The following PAX3 variants were observed in gnomAD, a reference collection of about 807,000 sequenced individuals.
PAX3 encodes paired box protein Pax-3.
PAX3 carries 14 observed loss-of-function variants against 51.6 expected under a neutral mutation model. The ratio of observed to expected loss-of-function variants is 0.27; its 90% confidence interval spans 0.18 to 0.42. The LOEUF (loss-of-function observed/expected upper bound fraction) is 0.42. Among genes scored for constraint, PAX3 ranks in the 10% least tolerant of loss-of-function variants. PAX3 has a pLI of 1.00. For synonymous variants in PAX3, 280 were observed against 253.4 expected, an observed-to-expected ratio of 1.11 and a Z score of -1.00; for missense variants, 540 against 642.8, an observed-to-expected ratio of 0.84 and a Z score of 1.73.
intron 7 of PAX3, among the ~76,000 whole-genome samples, chr2:222,209,839 CA>C (rs34532972): frequency 0.071 from 10,698 of 151,516 alleles, 613 homozygotes; most frequent in Admixed American, 0.18. Flanking sequence ...TGCAATGAGC[CA>C]TGATTGCACC....
At chr2:222,226,991 C>T (rs1692409431) in intron 5 of PAX3, among the ~76,000 whole-genome samples, 1 of 152,056 alleles carries the variant, frequency 6.6e-6, no homozygotes, top group East Asian at 1.9e-4. Flanking sequence ...TCCTGAAGTC[C>T]ACCCATGATT....
At chr2:222,236,814 C>A (rs1018185602) in intron 4 of PAX3, among the ~76,000 whole-genome samples, 1 of 152,098 alleles carries the variant, frequency 6.6e-6, no homozygotes, top group Non-Finnish European at 1.5e-5. Flanking sequence ...TTTACAGATG[C>A]CTTCACAAAG....
chr2:222,232,035 C>A, intron 5 of PAX3, 43 bp downstream of exon 5: 1 of 1,566,086 alleles, frequency 6.4e-7, no homozygotes, highest in Non-Finnish European at 8.8e-7. Flanking sequence ...TGTTTGTTTC[C>A]TGTCTGGACT....
chr2:222,201,889 G>C (rs186207055), intron 8 of PAX3, 55 bp downstream of exon 8: 3 of 1,613,746 alleles, frequency 1.9e-6, no homozygotes, highest in Non-Finnish European at 2.5e-6. Flanking sequence ...TTAAGGAAGA[G>C]TTGAGTTTAT....
intron 5 of PAX3, among the ~76,000 whole-genome samples, chr2:222,224,150 A>C (rs1030575851): frequency 1.3e-5 from 2 of 152,358 alleles, no homozygotes; most frequent in African/African-American, 4.8e-5. Context: ...AAAGACATTG[A>C]GTAAACTCAC....
At chr2:222,294,392 G>A (rs1559317022) in intron 3 of PAX3, 91 bp from the exon 4 acceptor site, 2 of 1,458,004 alleles carry the variant, frequency 1.4e-6, no homozygotes, top group Admixed American at 3.5e-5. Flanking sequence ...CCAAACACCA[G>A]CCAGGGCCCT....
At chr2:222,249,695 C>G (rs992618534) in intron 4 of PAX3, among the ~76,000 whole-genome samples, 1 of 152,190 alleles carries the variant, frequency 6.6e-6, no homozygotes, top group Non-Finnish European at 1.5e-5. Context: ...AGAAGAAGCC[C>G]TTGCCCCCGG....
At position 222,268,437 on chromosome 2, in the gene PAX3, A is replaced by G. The variant is rs189436488; in HGVS notation, c.586+25730T>C. Among the ~76,000 whole-genome samples the G allele has an allele frequency of 9.9e-5, 15 of 152,240 alleles. No homozygotes were observed. In the East Asian group the frequency reaches 2.5e-3, roughly 25 times the overall value. On this transcript the variant is annotated intron_variant, in intron 4 of 8. Transcript: ENST00000392070. The stretch of plus-strand genomic sequence containing the variant: ...CTAATAGAAAGCAATCAAATATCCA[A>G]TCAACCCCCCCAGCCCTACCTACTA...
chr2:222,227,265 T>C (rs1030565489), intron 5 of PAX3, among the ~76,000 whole-genome samples: 2 of 152,148 alleles, frequency 1.3e-5, no homozygotes, highest in African/African-American at 4.8e-5. Context: ...TTCATGGGAT[T>C]CTTAGATGGA....
chr2:222,278,110 C>G (rs1428359686), intron 4 of PAX3, among the ~76,000 whole-genome samples: 2 of 152,114 alleles, frequency 1.3e-5, no homozygotes, highest in African/African-American at 4.8e-5. Flanking sequence ...CATGAATACA[C>G]TGGCAATTTC....
At chr2:222,295,998 A>T (rs1200658482) in intron 2 of PAX3, among the ~76,000 whole-genome samples, 1 of 152,226 alleles carries the variant, frequency 6.6e-6, no homozygotes, top group Non-Finnish European at 1.5e-5. Context: ...CAGAACCAAC[A>T]TGAAAACGAA....
intron 4 of PAX3, among the ~76,000 whole-genome samples, chr2:222,278,657 A>G (rs1694518727): frequency 1.3e-5 from 2 of 152,172 alleles, no homozygotes; most frequent in African/African-American, 2.4e-5. Flanking sequence ...AGACAGCTCA[A>G]TGGGGAATTG....
intron 4 of PAX3, among the ~76,000 whole-genome samples, chr2:222,234,765 C>G (rs866060249): frequency 2.0e-5 from 3 of 152,218 alleles, no homozygotes; most frequent in African/African-American, 7.2e-5. Context: ...TAAAATACAT[C>G]TGCCACAATT....
At chr2:222,215,185 T>G (rs1691904673) in intron 7 of PAX3, among the ~76,000 whole-genome samples, 1 of 152,066 alleles carries the variant, frequency 6.6e-6, no homozygotes, top group African/African-American at 2.4e-5. Context: ...GAAAAAAATG[T>G]CAGTGATATA....
At chr2:222,214,748 T>C (rs1214839356) in intron 7 of PAX3, 1 of 152,146 alleles carries the variant, frequency 6.6e-6, no homozygotes, top group Non-Finnish European at 1.5e-5. Context: ...TTTTCTTTCC[T>C]CAGTAGATTA....
chr2:222,231,675 T>C (rs1309031982), intron 5 of PAX3, among the ~76,000 whole-genome samples: 2 of 152,216 alleles, frequency 1.3e-5, no homozygotes, highest in Non-Finnish European at 2.9e-5. Flanking sequence ...GTTTCCTTAT[T>C]TGTAAATGGA....
At chr2:222,227,437 C>CA (rs1692426694) in intron 5 of PAX3, among the ~76,000 whole-genome samples, 1 of 151,956 alleles carries the variant, frequency 6.6e-6, no homozygotes. Flanking sequence ...CTCTACAATA[C>CA]AAAAATTAGC....
intron 4 of PAX3, chr2:222,262,561 C>G (rs1693903128): frequency 6.7e-6 from 1 of 150,248 alleles, no homozygotes; most frequent in South Asian, 2.1e-4. Context: ...CTCTTTAAAA[C>G]CAATATAAAA....
intron 4 of PAX3, among the ~76,000 whole-genome samples, chr2:222,292,486 G>C (rs1025525334): frequency 2.4e-4 from 37 of 152,168 alleles, no homozygotes; most frequent in Non-Finnish European, 8.8e-5. Flanking sequence ...AGCTCATTTG[G>C]GACGTTTTGT....
Sources: gnomAD v4.1 joint callset for allele counts (sites outside exome capture counted in the v4.1 genomes callset) on GRCh38, gnomAD v4.1.1 for gene constraint, MANE v1.5 for transcripts, NCBI Gene and HGNC (gene_info 2026-07-23, HGNC 2026-07-21) for gene names.